FAM107B: variants seen among roughly 807,000 people sequenced by gnomAD.
FAM107B encodes family with sequence similarity 107 member B, also known as protein FAM107B.
Under a neutral mutation model 31.5 loss-of-function variants are expected in FAM107B, and 21 were observed. That is an observed-to-expected ratio of 0.67 (90% CI 0.47 to 0.96). FAM107B has a LOEUF of 0.96. Among genes scored for constraint, FAM107B ranks in the 40% least tolerant of loss-of-function variants. The pLI is 0.00. For missense variants in FAM107B, 452 were observed against 377.1 expected, an observed-to-expected ratio of 1.20 and a Z score of -1.64; for synonymous variants, 157 against 141.5, an observed-to-expected ratio of 1.11 and a Z score of -0.78.
chr10:14,692,440 G>A (rs1049127052), intron 1 of FAM107B, among the ~76,000 whole-genome samples: 1 of 152,074 alleles, frequency 6.6e-6, no homozygotes, highest in African/African-American at 2.4e-5. Flanking sequence ...TAGGGACAAG[G>A]GCAGATAACC....
Position 14,590,435 on chromosome 10 carries a change from C to T in FAM107B, c.470-59920G>A, listed in dbSNP as rs139842737. On this transcript the variant is annotated intron_variant, in intron 2 of 4. Coordinates refer to ENST00000181796, the MANE Select transcript of FAM107B (RefSeq NM_031453.4). The stretch of plus-strand genomic sequence containing the variant: ...ACAACACATTGTGGCAAAAGACAGG[C>T]TTGCCCATGATAGTTAGAATCAATA... Among the ~76,000 whole-genome samples, 7 of 152,340 alleles carry T rather than the reference C, an allele frequency of 4.6e-5. No individual in the cohort carries two copies. In the East Asian group the frequency reaches 1.4e-3, roughly 29 times the overall value.
intron 1 of FAM107B, among the ~76,000 whole-genome samples, chr10:14,692,727 A>C (rs1401538894): frequency 6.6e-6 from 1 of 152,168 alleles, no homozygotes; most frequent in Non-Finnish European, 1.5e-5. Context: ...TCAACAAAGA[A>C]AGGTGGGTGA....
At chr10:14,686,054 C>G (rs554559340) in intron 1 of FAM107B, among the ~76,000 whole-genome samples, 1 of 152,280 alleles carries the variant, frequency 6.6e-6, no homozygotes, top group South Asian at 2.1e-4. Context: ...ATTATCTCCA[C>G]CTAGCTCTGC....
At chr10:14,679,692 G>T (rs946711403) in intron 1 of FAM107B, among the ~76,000 whole-genome samples, 15 of 152,168 alleles carry the variant, frequency 9.9e-5, no homozygotes, top group African/African-American at 3.6e-4. Flanking sequence ...TGGAATTGAA[G>T]GATGCAAAGT....
chr10:14,620,508 T>C (rs562347620), intron 2 of FAM107B, among the ~76,000 whole-genome samples: 1 of 151,830 alleles, frequency 6.6e-6, no homozygotes, highest in African/African-American at 2.4e-5. Flanking sequence ...AGAATAACGC[T>C]GATTTTTTTC....
At chr10:14,752,752 C>T (rs945978987) in intron 1 of FAM107B, among the ~76,000 whole-genome samples, 9 of 151,938 alleles carry the variant, frequency 5.9e-5, no homozygotes, top group African/African-American at 1.2e-4. Context: ...GGCAATGTGG[C>T]GAGACCCCAT....
chr10:14,555,002 G>T (rs1457230883), intron 2 of FAM107B, among the ~76,000 whole-genome samples: 1 of 149,560 alleles, frequency 6.7e-6, no homozygotes, highest in African/African-American at 2.4e-5. Context: ...GTCAATGTCA[G>T]ACCGAAATTA....
chr10:14,719,363 G>C (rs763655709), intron 1 of FAM107B, among the ~76,000 whole-genome samples: 6 of 152,138 alleles, frequency 3.9e-5, no homozygotes, highest in Non-Finnish European at 8.8e-5. Flanking sequence ...GCTGGAAATG[G>C]GTTTGTAAGT....
At chr10:14,720,769 G>C (rs927111558) in intron 1 of FAM107B, among the ~76,000 whole-genome samples, 17 of 152,118 alleles carry the variant, frequency 1.1e-4, no homozygotes, top group Non-Finnish European at 2.9e-5. Context: ...AGAATTCATT[G>C]AAAAATGCTG....
chr10:14,732,043 A>G (rs1856186517), intron 1 of FAM107B, among the ~76,000 whole-genome samples: 1 of 152,116 alleles, frequency 6.6e-6, no homozygotes, highest in African/African-American at 2.4e-5. Flanking sequence ...AAAAGTAACA[A>G]TTCCCACCTG....
chr10:14,597,004 TAA>T (rs937943714), intron 2 of FAM107B, among the ~76,000 whole-genome samples: 22 of 152,256 alleles, frequency 1.4e-4, no homozygotes, highest in African/African-American at 5.3e-4. Flanking sequence ...AGCTTAGGCT[TAA>T]AAGTCTGAAA....
chr10:14,689,576 C>G (rs760616897), intron 1 of FAM107B, among the ~76,000 whole-genome samples: 1 of 151,986 alleles, frequency 6.6e-6, no homozygotes, highest in Non-Finnish European at 1.5e-5. Context: ...AGGACACATG[C>G]CAGTTAGGTG....
chr10:14,670,502 T>C lies in FAM107B; in HGVS notation c.412-2811A>G, dbSNP rs1854514235. ...GACAGAACAGTATATAATGAAAACATGAGGAATTATTTTATAATACAGCCA... is the reference window on the plus strand; with the variant it reads ...GACAGAACAGTATATAATGAAAACACGAGGAATTATTTTATAATACAGCCA... On this transcript the variant is annotated intron_variant, in intron 1 of 4. Transcript: ENST00000181796. 2.0e-5 allele frequency among the ~76,000 whole-genome samples: 3 copies of C among 152,288 alleles called. No individual in the cohort carries two copies. The South Asian group carries it at 6.2e-4, about 32-fold the overall frequency.
At chr10:14,557,839 C>G (rs1283779393) in intron 2 of FAM107B, among the ~76,000 whole-genome samples, 1 of 152,178 alleles carries the variant, frequency 6.6e-6, no homozygotes, top group East Asian at 1.9e-4. Flanking sequence ...TAGCCAGGAC[C>G]CAGCCAGGTC....
At chr10:14,711,683 G>A (rs183693299) in intron 1 of FAM107B, among the ~76,000 whole-genome samples, 330 of 152,096 alleles carry the variant, frequency 2.2e-3, no homozygotes, top group South Asian at 4.6e-3. Flanking sequence ...TCGTTCTGTC[G>A]CGCAGGCTGG....
chr10:14,627,138 G>A (rs1853186905), intron 2 of FAM107B, among the ~76,000 whole-genome samples: 1 of 152,010 alleles, frequency 6.6e-6, no homozygotes, highest in African/African-American at 2.4e-5. Context: ...ATTACCCCAG[G>A]GCAATTTAGG....
rs542557190 is a variant in FAM107B at position 14,564,710 on chromosome 10, CA to C, written c.470-34196del. On this transcript the variant is annotated intron_variant, in intron 2 of 4. Coordinates refer to ENST00000181796, the MANE Select transcript of FAM107B (RefSeq NM_031453.4). ...CAGTTTCCTTCCACCTGTTAGTGCC[CA>C]GATCGCAACAGAAATAAGGAAACAC... 7.8e-4 allele frequency among the ~76,000 whole-genome samples: 118 copies of C among 152,160 alleles called. 2 individuals are homozygous for C. The highest frequency in any genetic ancestry group is 3.2e-3 in the Admixed American group (49 of 15,280).
chr10:14,744,368 G>A (rs1447161419), intron 1 of FAM107B, among the ~76,000 whole-genome samples: 1 of 152,138 alleles, frequency 6.6e-6, no homozygotes, highest in Non-Finnish European at 1.5e-5. Context: ...GCCCTGACCA[G>A]AACTTCCAAT....
At chr10:14,576,885 C>T (rs1274944280) in intron 2 of FAM107B, among the ~76,000 whole-genome samples, 1 of 152,190 alleles carries the variant, frequency 6.6e-6, no homozygotes, top group Non-Finnish European at 1.5e-5. Flanking sequence ...TAGATTAAAT[C>T]TTCCCAGAGT....
Sources: gnomAD v4.1 joint callset for allele counts (sites outside exome capture counted in the v4.1 genomes callset) on GRCh38, gnomAD v4.1.1 for gene constraint, MANE v1.5 for transcripts, NCBI Gene and HGNC (gene_info 2026-07-23, HGNC 2026-07-21) for gene names.